Variants in VDAC1 observed in about 807,000 individuals in gnomAD.
VDAC1 encodes non-selective voltage-gated ion channel VDAC1.
In VDAC1, 10 loss-of-function variants were observed where a neutral mutation model predicts 34.7. The observed-to-expected ratio is 0.29, with a 90% CI of 0.18 to 0.49. The LOEUF is 0.49. Ranked by LOEUF, VDAC1 falls within the 20% of genes least tolerant of loss-of-function variation. The pLI is 0.99. For synonymous variants in VDAC1, 130 were observed against 136.0 expected (o/e 0.96, Z 0.30); for missense variants, 230 against 347.9 (o/e 0.66, Z 2.69).
intron 6 of VDAC1, among the ~76,000 whole-genome samples, chr5:133,978,415 G>A (rs925126614): frequency 5.3e-5 from 8 of 152,132 alleles, no homozygotes; most frequent in Non-Finnish European, 7.4e-5. Context: ...AGGATTACAC[G>A]TATGAGCCAC....
At chr5:134,015,614 T>C in the VDAC1 span, among the ~76,000 whole-genome samples, 4 of 151,924 alleles carry the variant, frequency 2.6e-5, no homozygotes, top group East Asian at 7.8e-4. Context: ...GGCAGGAGAA[T>C]TGCTTGAACG....
At chr5:134,077,213 G>C in the VDAC1 span, among the ~76,000 whole-genome samples, 1 of 148,890 alleles carries the variant, frequency 6.7e-6, no homozygotes, top group South Asian at 2.1e-4. Context: ...GGAGGTGGAG[G>C]CTGCAGTGAG....
chr5:134,087,783 G>A, the VDAC1 span, among the ~76,000 whole-genome samples: 15 of 151,570 alleles, frequency 9.9e-5, no homozygotes, highest in Non-Finnish European at 1.0e-4. Flanking sequence ...TTGAACCCGG[G>A]AGGCGGAGGT....
the VDAC1 span, among the ~76,000 whole-genome samples, chr5:134,039,747 A>C: frequency 2.0e-5 from 3 of 152,194 alleles, no homozygotes; most frequent in Non-Finnish European, 4.4e-5. Context: ...TGACCAAAGA[A>C]GCGAGATGGG....
chr5:134,016,191 T>C, the VDAC1 span, among the ~76,000 whole-genome samples: 18 of 152,310 alleles, frequency 1.2e-4, 1 homozygote, highest in South Asian at 3.1e-3. Context: ...ATAAGACAGA[T>C]TGCAATTTGG....
chr5:133,991,476 C>A (rs946860911), intron 3 of VDAC1, among the ~76,000 whole-genome samples: 1 of 152,228 alleles, frequency 6.6e-6, no homozygotes, highest in African/African-American at 2.4e-5. Flanking sequence ...AAAGCTGACA[C>A]AGCGGTAATT....
chr5:134,018,443 G>A, the VDAC1 span, among the ~76,000 whole-genome samples: 2 of 152,180 alleles, frequency 1.3e-5, no homozygotes, highest in Non-Finnish European at 2.9e-5. Context: ...AGATTTGGAG[G>A]AGACACATAT....
chr5:134,021,454 C>T, the VDAC1 span, among the ~76,000 whole-genome samples: 18 of 150,490 alleles, frequency 1.2e-4, no homozygotes, highest in Admixed American at 4.0e-4. Flanking sequence ...TTTCTGTCCT[C>T]GTGATAGTTT....
chr5:134,089,770 A>G, the VDAC1 span, among the ~76,000 whole-genome samples: 1 of 152,122 alleles, frequency 6.6e-6, no homozygotes, highest in African/African-American at 2.4e-5. Context: ...CGGGTGGATC[A>G]CTTGAGGTCA....
chr5:134,034,363 A>G, the VDAC1 span, among the ~76,000 whole-genome samples: 2 of 152,216 alleles, frequency 1.3e-5, no homozygotes, highest in Non-Finnish European at 2.9e-5. Context: ...GGATTTTCAC[A>G]GATACTATCA....
chr5:134,034,902 T>C, the VDAC1 span, among the ~76,000 whole-genome samples: 1 of 152,066 alleles, frequency 6.6e-6, no homozygotes, highest in Non-Finnish European at 1.5e-5. Context: ...CTCTGACAAC[T>C]GATCGTAGGG....
At chr5:134,098,386 G>C in the VDAC1 span, among the ~76,000 whole-genome samples, 2 of 151,712 alleles carry the variant, frequency 1.3e-5, no homozygotes, top group Non-Finnish European at 1.5e-5. Context: ...CACCATGACC[G>C]GCTAATTTTT....
chr5:134,079,398 A>G, the VDAC1 span, among the ~76,000 whole-genome samples: 1 of 152,312 alleles, frequency 6.6e-6, no homozygotes, highest in Non-Finnish European at 1.5e-5. Flanking sequence ...GGTCTGGACT[A>G]AAACCATCAC....
the VDAC1 span, among the ~76,000 whole-genome samples, chr5:134,023,014 C>T: frequency 6.6e-6 from 1 of 152,134 alleles, no homozygotes; most frequent in African/African-American, 2.4e-5. Context: ...ACTATAAAGA[C>T]ACAGGCACGC....
At position 133,972,764 on chromosome 5, in the gene VDAC1, T is replaced by C; in HGVS notation, c.*7A>G. 1.3e-6 allele frequency: 2 copies of C among 1,520,900 alleles called. No homozygotes were observed. Among genetic ancestry groups the C allele is most frequent in the South Asian group, 2.3e-5 (2 of 88,812 alleles). 94.2% of individuals were successfully genotyped at this position (1,520,900 alleles called of 1,614,324 possible). ...AGTTTAAAATTAAACAATTGTACAGTATTCATTTATGCTTGAAATTCCAGT... is the reference window on the plus strand; with the variant it reads ...AGTTTAAAATTAAACAATTGTACAGCATTCATTTATGCTTGAAATTCCAGT... On this transcript the variant is annotated 3_prime_UTR_variant, in exon 9 of 9. Coordinates refer to ENST00000265333, the MANE Select transcript of VDAC1 (RefSeq NM_003374.3).
At chr5:134,019,704 T>C in the VDAC1 span, among the ~76,000 whole-genome samples, 1 of 152,132 alleles carries the variant, frequency 6.6e-6, no homozygotes, top group Non-Finnish European at 1.5e-5. Flanking sequence ...GGTTGCACTA[T>C]CCCACAGCTG....
chr5:134,054,235 T>G, the VDAC1 span, among the ~76,000 whole-genome samples: 3 of 152,274 alleles, frequency 2.0e-5, no homozygotes, highest in African/African-American at 4.8e-5. Context: ...AATGCTTGAT[T>G]TACTCTGCCA....
At chr5:134,051,285 C>T in the VDAC1 span, among the ~76,000 whole-genome samples, 3,178 of 152,350 alleles carry the variant, frequency 0.021, 110 homozygotes, top group African/African-American at 0.071. Context: ...GCTGAGCCCG[C>T]TCTCAGAGTC....
the VDAC1 span, among the ~76,000 whole-genome samples, chr5:134,101,035 A>C: frequency 6.6e-6 from 1 of 152,270 alleles, no homozygotes; most frequent in Non-Finnish European, 1.5e-5. Context: ...ACTATTCTGC[A>C]AGACCACCAG....
Sources: allele counts gnomAD v4.1 joint callset (sites outside exome capture counted in the v4.1 genomes callset), GRCh38; gene constraint gnomAD v4.1.1; transcripts MANE v1.5; gene names NCBI Gene and HGNC (gene_info 2026-07-23, HGNC 2026-07-21).